SNX13: variants seen among roughly 807,000 people sequenced by gnomAD.
The protein encoded by SNX13 is sorting nexin 13, also known as sorting nexin-13.
In SNX13, 45 loss-of-function variants were observed where a neutral mutation model predicts 133.6. The ratio of observed to expected loss-of-function variants is 0.34; its 90% CI spans 0.27 to 0.43. The LOEUF (loss-of-function observed/expected upper bound fraction) is 0.43, where lower values mean the gene tolerates loss of function less well. Among genes scored for constraint, SNX13 ranks in the 20% least tolerant of loss-of-function variants. SNX13 has a pLI of 1.00. For synonymous variants in SNX13, 414 were observed against 373.9 expected (o/e 1.11, Z -1.24); for missense variants, 1,032 against 1,145.1 (o/e 0.90, Z 1.43).
In SNX13 at chr7:17,875,483, C is replaced by G. The variant is rs903901006; in HGVS notation, c.661G>C (p.Glu221Gln). 2 of 1,603,752 alleles carry G rather than the reference C, an allele frequency of 1.2e-6. No individual in the cohort carries two copies. The highest frequency in any genetic ancestry group is 2.2e-5 in the East Asian group (1 of 44,726). The stretch of plus-strand genomic sequence containing the variant: ...AAAAGTTAAATTAAAAGAAAACCTT[C>G]TTCATCTTTGGGGGAAGTGCACACT... Reference protein sequence around the residue: ...DLVCTSPKDEEGFLRDLCEVL... With the variant: ...DLVCTSPKDEQGFLRDLCEVL... The change falls in exon 7 of 26, where the codon GAA becomes CAA. Residue 221 changes from glutamate (E) to glutamine (Q), a missense_variant. Glu to Gln is a conservative substitution (Grantham distance 29). Transcript: ENST00000428135.
Position 17,866,245 on chromosome 7 carries a change from A to G in SNX13, c.837+2162T>C, listed in dbSNP as rs148844199. ...AAAATATTTGCAAGCTACTCATGTG[A>G]CAAAGAAATAATAACCAGAATATAT... is the stretch of plus-strand genomic sequence containing the variant. On this transcript the variant is annotated intron_variant, in intron 9 of 25. Coordinates refer to ENST00000428135, the MANE Select transcript of SNX13 (RefSeq NM_015132.5). 2.0e-5 allele frequency among the ~76,000 whole-genome samples: 3 copies of G among 152,228 alleles called. No individual in the cohort carries two copies. The East Asian group carries it at 5.8e-4, about 29-fold the overall frequency.
At chr7:17,847,986 C>A (rs1050531224) in intron 11 of SNX13, among the ~76,000 whole-genome samples, 4 of 152,086 alleles carry the variant, frequency 2.6e-5, no homozygotes, top group Non-Finnish European at 4.4e-5. Flanking sequence ...GAAACACCAC[C>A]CCCTCAAGCC....
chr7:17,929,193 A>C lies in SNX13; in HGVS notation c.12+11091T>G, dbSNP rs145893092. On this transcript the variant is annotated intron_variant, in intron 1 of 25. Coordinates refer to ENST00000428135, the MANE Select transcript of SNX13 (RefSeq NM_015132.5). ...AAATACACAAAGCATCAGTGACAAG[A>C]AAGAAAAGATGGAAAGCATAGAGTG... is the stretch of plus-strand genomic sequence containing the variant. 3.5e-3 allele frequency among the ~76,000 whole-genome samples: 533 copies of C among 152,232 alleles called. 1 individual carries two copies. The highest frequency in any genetic ancestry group is 0.012 in the African/African-American group (510 of 41,558).
intron 11 of SNX13, among the ~76,000 whole-genome samples, chr7:17,846,030 T>C (rs1051279609): frequency 3.3e-5 from 5 of 152,110 alleles, no homozygotes; most frequent in South Asian, 4.1e-4. Flanking sequence ...GTGAAGGAAA[T>C]GGTTAATATA....
intron 11 of SNX13, among the ~76,000 whole-genome samples, chr7:17,846,839 G>A (rs551069489): frequency 9.2e-5 from 14 of 152,138 alleles, no homozygotes; most frequent in Admixed American, 7.2e-4. Flanking sequence ...GCCCAGCAGC[G>A]GCTCCACAGA....
At chr7:17,827,592 C>T (rs929369990) in intron 16 of SNX13, among the ~76,000 whole-genome samples, 1 of 151,868 alleles carries the variant, frequency 6.6e-6, no homozygotes, top group Non-Finnish European at 1.5e-5. Context: ...CTTCCCTGGT[C>T]AACTCAAATG....
rs576696284 is a variant in SNX13, at chr7:17,903,750, G to C, written c.13-6304C>G. Reference sequence around the variant, plus strand: ...TTGTCAGCTGACAATTGTCTTAAAAGTCACAGAAAAAAATGTTAATATCAT... The same window carrying C: ...TTGTCAGCTGACAATTGTCTTAAAACTCACAGAAAAAAATGTTAATATCAT... On this transcript the variant is annotated intron_variant, in intron 1 of 25. Coordinates refer to ENST00000428135, the MANE Select transcript of SNX13 (RefSeq NM_015132.5). Among the ~76,000 whole-genome samples the C allele has an allele frequency of 9.9e-5, 15 of 152,134 alleles. No individual in the cohort carries two copies. The East Asian group carries it at 2.3e-3, about 24-fold the overall frequency.
chr7:17,882,197 T>G (rs1298088571), intron 5 of SNX13: 1 of 152,194 alleles, frequency 6.6e-6, no homozygotes, highest in African/African-American at 2.4e-5. Context: ...CTGTATCCTC[T>G]CCAACTGTGA....
chr7:17,830,052 AG>A lies in SNX13; in HGVS notation c.1598-6del. 1 of 1,526,880 alleles carries A rather than the reference AG, an allele frequency of 6.5e-7. No homozygotes were observed. Among genetic ancestry groups the A allele is most frequent in the Non-Finnish European group, 8.8e-7 (1 of 1,131,374 alleles). 94.6% of individuals were successfully genotyped at this position (1,526,880 alleles called of 1,614,324 possible). On this transcript the variant is annotated splice_polypyrimidine_tract_variant and splice_region_variant and intron_variant, in intron 15 of 25. Coordinates refer to ENST00000428135, the MANE Select transcript of SNX13 (RefSeq NM_015132.5). ...TAGGAGACCCATTAAAAGATTCTGC[AG>A]GGGGGAAATTCAACTTAGTATACAG...
intron 8 of SNX13, among the ~76,000 whole-genome samples, chr7:17,869,100 T>C (rs746324709): frequency 2.2e-4 from 34 of 152,106 alleles, no homozygotes; most frequent in Admixed American, 6.5e-4. Context: ...TGCAGAACAA[T>C]TGACTGCAGA....
rs144988094 is a variant in SNX13 at position 17,805,965 on chromosome 7, T to C, written c.2065-2385A>G. 2.8e-4 allele frequency among the ~76,000 whole-genome samples: 42 copies of C among 152,320 alleles called. No individual in the cohort carries two copies. The East Asian group carries it at 6.6e-3, about 24-fold the overall frequency. Reference sequence around the variant, plus strand: ...ATAAGCATAAAAGCAAAGTCCATCATTGTATGAAAACATTTCCAAAAACAA... The same window carrying C: ...ATAAGCATAAAAGCAAAGTCCATCACTGTATGAAAACATTTCCAAAAACAA... On this transcript the variant is annotated intron_variant, in intron 20 of 25. Coordinates refer to ENST00000428135, the MANE Select transcript of SNX13 (RefSeq NM_015132.5).
intron 22 of SNX13, among the ~76,000 whole-genome samples, chr7:17,801,372 A>G (rs1298056170): frequency 6.6e-6 from 1 of 151,840 alleles, no homozygotes; most frequent in East Asian, 1.9e-4. Context: ...AGGTCCTAAC[A>G]GGAACAGAGG....
intron 1 of SNX13, among the ~76,000 whole-genome samples, chr7:17,937,868 C>A (rs1004043963): frequency 6.6e-6 from 1 of 152,194 alleles, no homozygotes; most frequent in African/African-American, 2.4e-5. Context: ...AGAATCCAGG[C>A]ACATACTACA....
chr7:17,828,935 A>G (rs576583751), intron 16 of SNX13, among the ~76,000 whole-genome samples: 1 of 151,654 alleles, frequency 6.6e-6, no homozygotes, highest in East Asian at 1.9e-4. Flanking sequence ...TATTTTTAAC[A>G]CTTCCTTCAA....
At chr7:17,900,382 G>C (rs1380126817) in intron 1 of SNX13, 1 of 152,388 alleles carries the variant, frequency 6.6e-6, no homozygotes, top group Non-Finnish European at 1.5e-5. Flanking sequence ...AGATAGGCTT[G>C]TGTCCTTCCC....
At chr7:17,919,608 TGATCTAA>T (rs2128033608) in intron 1 of SNX13, among the ~76,000 whole-genome samples, 1 of 152,304 alleles carries the variant, frequency 6.6e-6, no homozygotes, top group African/African-American at 2.4e-5. Flanking sequence ...GACAGACAAT[TGATCTAA>T]TGTGCAGAGT....
intron 9 of SNX13, among the ~76,000 whole-genome samples, chr7:17,858,957 G>A (rs1392036414): frequency 6.6e-6 from 1 of 152,044 alleles, no homozygotes; most frequent in Non-Finnish European, 1.5e-5. Flanking sequence ...ATAAAAATGT[G>A]AGATAAATCA....
At chr7:17,883,792 C>A (rs28480077) in intron 5 of SNX13, among the ~76,000 whole-genome samples, 1 of 151,982 alleles carries the variant, frequency 6.6e-6, no homozygotes, top group South Asian at 2.1e-4. Flanking sequence ...CATCTCATCA[C>A]GCCACTCATG....
At chr7:17,930,429 T>C (rs1301774586) in intron 1 of SNX13, among the ~76,000 whole-genome samples, 1 of 152,168 alleles carries the variant, frequency 6.6e-6, no homozygotes, top group Non-Finnish European at 1.5e-5. Flanking sequence ...TATATATACA[T>C]ATATAAAAAA....
Sources: gnomAD v4.1 joint callset for allele counts (sites outside exome capture counted in the v4.1 genomes callset) on GRCh38, gnomAD v4.1.1 for gene constraint, MANE v1.5 for transcripts, NCBI Gene and HGNC (gene_info 2026-07-23, HGNC 2026-07-21) for gene names.